ASTN2: variants seen among roughly 807,000 people sequenced by gnomAD.
The protein encoded by ASTN2 is astrotactin-2.
Under a neutral mutation model 139.8 loss-of-function variants are expected in ASTN2, and 54 were observed. That is an observed-to-expected ratio of 0.39 (90% confidence interval 0.31 to 0.48). The LOEUF (loss-of-function observed/expected upper bound fraction) is 0.48, where lower values mean the gene tolerates loss of function less well. Ranked by LOEUF, ASTN2 falls within the 20% of genes least tolerant of loss-of-function variation. The pLI is 0.95. For synonymous variants in ASTN2, 756 were observed against 719.5 expected (o/e 1.05, Z -0.81); for missense variants, 1,565 against 1,725.1 (o/e 0.91, Z 1.64).
intron 1 of ASTN2, among the ~76,000 whole-genome samples, chr9:117,378,921 G>A (rs1221371706): frequency 6.6e-6 from 1 of 152,076 alleles, no homozygotes; most frequent in Non-Finnish European, 1.5e-5. Flanking sequence ...TGCTGTTCTA[G>A]GGATAGCGAG....
At chr9:117,151,902 G>A (rs962316476) in intron 3 of ASTN2, among the ~76,000 whole-genome samples, 31 of 152,064 alleles carry the variant, frequency 2.0e-4, no homozygotes, top group African/African-American at 6.5e-4. Flanking sequence ...CTACTGCCTG[G>A]CCCCACTCTC....
intron 3 of ASTN2, among the ~76,000 whole-genome samples, chr9:117,189,079 T>A (rs1311386557): frequency 6.6e-6 from 1 of 152,040 alleles, no homozygotes; most frequent in African/African-American, 2.4e-5. Flanking sequence ...ACCTCCCAGA[T>A]AGGAGACTCC....
intron 16 of ASTN2, among the ~76,000 whole-genome samples, chr9:116,707,285 C>CAA (rs766053427): frequency 0.26 from 15,862 of 60,460 alleles, 2,931 homozygotes; most frequent in Admixed American, 0.36. Context: ...GCCCCCTGAC[C>CAA]AAAAAAAAAA....
At chr9:117,270,432 T>C (rs1285073114) in intron 2 of ASTN2, among the ~76,000 whole-genome samples, 1 of 152,156 alleles carries the variant, frequency 6.6e-6, no homozygotes, top group Non-Finnish European at 1.5e-5. Context: ...AGTGGAATCA[T>C]AAAGTATTTG....
chr9:117,012,246 A>T (rs898584041), intron 6 of ASTN2, among the ~76,000 whole-genome samples: 3 of 152,014 alleles, frequency 2.0e-5, no homozygotes, highest in Admixed American at 2.0e-4. Context: ...GCCCTTCAGA[A>T]CCTCCCCAGT....
Position 116,718,975 on chromosome 9 carries a change from C to CATAT in ASTN2, c.2806+6792_2806+6795dup, listed in dbSNP as rs145923400. Among the ~76,000 whole-genome samples, 12 of 116,582 alleles carry CATAT rather than the reference C, an allele frequency of 1.0e-4. 1 individual carries two copies. The highest frequency in any genetic ancestry group is 5.1e-4 in the South Asian group (2 of 3,924). The allele number at this position is 116,582 out of a possible 152,430, so 76.5% of individuals were successfully genotyped here. ...TTACATATCTATACCTGTATCTGTA[C>CATAT]ATATATATATATATATCTGCCTATA... On this transcript the variant is annotated intron_variant, in intron 16 of 22. Transcript: ENST00000313400.
intron 11 of ASTN2, among the ~76,000 whole-genome samples, chr9:116,840,426 G>T (rs1349323039): frequency 2.0e-5 from 3 of 149,552 alleles, no homozygotes; most frequent in East Asian, 2.0e-4. Flanking sequence ...CCAGGCAGAG[G>T]GGCTCCTCAC....
chr9:116,600,590 T>C (rs576642263), intron 19 of ASTN2, among the ~76,000 whole-genome samples: 2 of 152,280 alleles, frequency 1.3e-5, no homozygotes, highest in South Asian at 4.1e-4. Flanking sequence ...GATAATATTG[T>C]CCTCTTACTT....
intron 11 of ASTN2, among the ~76,000 whole-genome samples, chr9:116,857,141 G>T (rs997870979): frequency 1.3e-5 from 2 of 152,214 alleles, no homozygotes; most frequent in African/African-American, 4.8e-5. Flanking sequence ...AAGAAGCAAA[G>T]CACTTAGAAC....
chr9:117,225,535 G>GTATATATATATATATATATATATA (rs58184768), intron 2 of ASTN2, among the ~76,000 whole-genome samples: 4 of 63,958 alleles, frequency 6.3e-5, no homozygotes, highest in African/African-American at 1.7e-4. Context: ...CAAGCTGTAT[G>GTATATATATATATATATATATATA]TATATATATA....
chr9:116,792,347 C>T (rs1830581772), intron 13 of ASTN2, among the ~76,000 whole-genome samples: 1 of 152,106 alleles, frequency 6.6e-6, no homozygotes, highest in Non-Finnish European at 1.5e-5. Flanking sequence ...GCTACTCTTC[C>T]AGGAGTTTGT....
intron 2 of ASTN2, among the ~76,000 whole-genome samples, chr9:117,225,165 T>A (rs1832661671): frequency 6.6e-6 from 1 of 152,086 alleles, no homozygotes; most frequent in Non-Finnish European, 1.5e-5. Context: ...GACGAATAAA[T>A]CCATCATAAA....
At chr9:116,833,632 T>C (rs978337928) in intron 11 of ASTN2, among the ~76,000 whole-genome samples, 24 of 152,230 alleles carry the variant, frequency 1.6e-4, no homozygotes, top group South Asian at 4.1e-4. Flanking sequence ...TTTTATTTCA[T>C]CTAGTTCAGT....
chr9:116,446,261 A>AGG (rs1847988414), intron 20 of ASTN2, among the ~76,000 whole-genome samples: 1 of 93,214 alleles, frequency 1.1e-5, no homozygotes, highest in Admixed American at 1.3e-4. Flanking sequence ...AGAGGGAGAG[A>AGG]GAGAGAGAGA....
rs7027483 is a variant in ASTN2 at position 116,967,340 on chromosome 9, T to G, written c.1889+7868A>C. ...GAGCTGGGATTTGAGACTAAGCAGT[T>G]TGGCTCCAGTATCCATGCTATTCAC... On this transcript the variant is annotated intron_variant, in intron 10 of 22. Coordinates refer to ENST00000313400, the MANE Select transcript of ASTN2 (RefSeq NM_001365068.1). 4.6e-3 allele frequency among the ~76,000 whole-genome samples: 700 copies of G among 152,334 alleles called. 5 individuals carry two copies. Among genetic ancestry groups the G allele is most frequent in the African/African-American group, 0.015 (641 of 41,578 alleles).
chr9:116,699,038 C>G lies in ASTN2; in HGVS notation c.2806+26733G>C, dbSNP rs1861037366. 1 of 1,614,210 alleles carries G rather than the reference C, an allele frequency of 6.2e-7. No homozygotes were observed. Among genetic ancestry groups the G allele is most frequent in the Admixed American group, 1.7e-5 (1 of 60,034 alleles). On this transcript the variant is annotated intron_variant, in intron 16 of 22. Coordinates refer to ENST00000313400, the MANE Select transcript of ASTN2 (RefSeq NM_001365068.1). This position sits in a 1 kb window ranked among gnomAD's most constrained non-coding sequence, Gnocchi z 4.2. ...CAGATCTACCCAACCTCACTCCTCT[C>G]TCAGTGGCAATGAACTGCCAGGGGC...
At chr9:117,367,172 G>A (rs1829866927) in intron 1 of ASTN2, among the ~76,000 whole-genome samples, 1 of 152,292 alleles carries the variant, frequency 6.6e-6, no homozygotes, top group Admixed American at 6.5e-5. Context: ...TTTGTGTGCT[G>A]TTTTGTGGCA....
At chr9:116,499,615 C>G (rs1849788383) in intron 19 of ASTN2, among the ~76,000 whole-genome samples, 1 of 152,122 alleles carries the variant, frequency 6.6e-6, no homozygotes, top group Non-Finnish European at 1.5e-5. Context: ...CCTGGCCTGT[C>G]TTAGTCACCA....
chr9:117,166,710 T>G (rs1285468762), intron 3 of ASTN2, among the ~76,000 whole-genome samples: 1 of 152,122 alleles, frequency 6.6e-6, no homozygotes, highest in Non-Finnish European at 1.5e-5. Flanking sequence ...CCCTCTGCAG[T>G]AAGTGGATCC....
Sources: allele counts gnomAD v4.1 joint callset (sites outside exome capture counted in the v4.1 genomes callset), GRCh38; gene constraint gnomAD v4.1.1; non-coding constraint Gnocchi (gnomAD v3.1); transcripts MANE v1.5; gene names NCBI Gene and HGNC (gene_info 2026-07-23, HGNC 2026-07-21).